The following ZMYM2 variants were observed in gnomAD, a reference collection of about 807,000 sequenced individuals.
ZMYM2 encodes zinc finger MYM-type protein 2.
Under a neutral mutation model 162.8 loss-of-function variants are expected in ZMYM2, and 56 were observed. The ratio of observed to expected loss-of-function variants is 0.34; its 90% CI spans 0.28 to 0.43. The LOEUF is 0.43. ZMYM2 is among the 20% of genes least tolerant of loss of function. The pLI is 1.00. For synonymous variants in ZMYM2, 510 were observed against 541.6 expected, an observed-to-expected ratio of 0.94 and a Z score of 0.81; for missense variants, 1,275 against 1,621.8, an observed-to-expected ratio of 0.79 and a Z score of 3.67.
At position 20,047,349 on chromosome 13, in the gene ZMYM2, C is replaced by T. The variant is rs1029924388; in HGVS notation, c.2293-4084C>T. The stretch of plus-strand genomic sequence containing the variant: ...AAATGTGGTAAACTAATTATGGGGT[C>T]CCCCCCTTTTATGGTTTATCTTTTT... On this transcript the variant is annotated intron_variant, in intron 12 of 24. Coordinates refer to ENST00000610343, the MANE Select transcript of ZMYM2 (RefSeq NM_197968.4). 2.6e-5 allele frequency among the ~76,000 whole-genome samples: 4 copies of T among 152,032 alleles called. No individual in the cohort carries two copies. In the East Asian group the frequency reaches 5.8e-4, roughly 22 times the overall value.
chr13:20,008,491 C>T (rs1950919780), intron 6 of ZMYM2, among the ~76,000 whole-genome samples: 1 of 152,184 alleles, frequency 6.6e-6, no homozygotes. Flanking sequence ...AGGTATGTGT[C>T]TATGGGAAAC....
At chr13:19,986,435 C>T (rs952860685) in intron 2 of ZMYM2, among the ~76,000 whole-genome samples, 1 of 151,744 alleles carries the variant, frequency 6.6e-6, no homozygotes, top group South Asian at 2.1e-4. Flanking sequence ...ACTTCATATC[C>T]TAAGACATTT....
At chr13:19,994,077 T>C (rs137857112) in intron 3 of ZMYM2, among the ~76,000 whole-genome samples, 158 bp downstream of exon 3, 2 of 152,380 alleles carry the variant, frequency 1.3e-5, no homozygotes, top group Admixed American at 6.5e-5. Context: ...TTAATAAGAA[T>C]TGTAAAACCA....
the ZMYM2 span, among the ~76,000 whole-genome samples, chr13:19,934,274 C>T: frequency 1.3e-5 from 2 of 152,154 alleles, no homozygotes; most frequent in Non-Finnish European, 2.9e-5. Flanking sequence ...AATTCTCCTG[C>T]CTCAGCCTCC....
intron 7 of ZMYM2, among the ~76,000 whole-genome samples, chr13:20,022,583 A>G (rs534858300): frequency 2.0e-4 from 30 of 152,378 alleles, no homozygotes; most frequent in Middle Eastern, 3.4e-3. Flanking sequence ...CAAAGTTAGA[A>G]TAAGTCTGCT....
intron 24 of ZMYM2, among the ~76,000 whole-genome samples, chr13:20,084,529 C>G (rs1958122438): frequency 6.6e-6 from 1 of 152,074 alleles, no homozygotes; most frequent in Non-Finnish European, 1.5e-5. Flanking sequence ...AGGTGGCTGG[C>G]TGTAGTTTGC....
At chr13:20,053,362 T>C (rs1242298364) in intron 14 of ZMYM2, among the ~76,000 whole-genome samples, 1 of 152,218 alleles carries the variant, frequency 6.6e-6, no homozygotes, top group Non-Finnish European at 1.5e-5. Flanking sequence ...AAAAATTCTG[T>C]ATTTTTAAAA....
chr13:20,038,260 A>G (rs1953916307), intron 12 of ZMYM2, among the ~76,000 whole-genome samples: 1 of 152,136 alleles, frequency 6.6e-6, no homozygotes, highest in Non-Finnish European at 1.5e-5. Flanking sequence ...ATATGTGTGC[A>G]TGCTTTTTCT....
the ZMYM2 span, among the ~76,000 whole-genome samples, chr13:19,951,477 G>A: frequency 7.0e-6 from 1 of 141,858 alleles, no homozygotes; most frequent in African/African-American, 2.6e-5. Flanking sequence ...ATTAGTTGAA[G>A]TCAGGAGCTC....
chr13:19,963,478 T>G (rs958633082), intron 2 of ZMYM2, among the ~76,000 whole-genome samples: 1 of 152,238 alleles, frequency 6.6e-6, no homozygotes, highest in Non-Finnish European at 1.5e-5. Flanking sequence ...TGCAGCTTAT[T>G]TTCATATTTT....
intron 2 of ZMYM2, among the ~76,000 whole-genome samples, chr13:19,971,795 T>C (rs990862874): frequency 6.6e-6 from 1 of 151,990 alleles, no homozygotes; most frequent in East Asian, 1.9e-4. Flanking sequence ...ATTTCTATTA[T>C]TGAGTCACTA....
chr13:19,865,542 A>G, the ZMYM2 span, among the ~76,000 whole-genome samples: 1 of 152,228 alleles, frequency 6.6e-6, no homozygotes, highest in Non-Finnish European at 1.5e-5. Flanking sequence ...TGTAAATTAC[A>G]AGCACTGACT....
chr13:19,929,773 T>G, the ZMYM2 span, among the ~76,000 whole-genome samples: 6 of 152,216 alleles, frequency 3.9e-5, no homozygotes, highest in Non-Finnish European at 5.9e-5. Flanking sequence ...GGAGCATATT[T>G]ATTTCTCTCC....
chr13:19,913,810 C>A, the ZMYM2 span, among the ~76,000 whole-genome samples: 1 of 152,202 alleles, frequency 6.6e-6, no homozygotes, highest in Non-Finnish European at 1.5e-5. Context: ...ATGAAGCATT[C>A]GCCTGAATGC....
chr13:20,009,736 A>C (rs1482934704), intron 6 of ZMYM2, among the ~76,000 whole-genome samples: 6 of 152,220 alleles, frequency 3.9e-5, no homozygotes, highest in African/African-American at 1.4e-4. Flanking sequence ...TATAGCCACG[A>C]TCAGAACATC....
chr13:19,878,574 T>G, the ZMYM2 span, among the ~76,000 whole-genome samples: 2 of 136,240 alleles, frequency 1.5e-5, no homozygotes, highest in African/African-American at 5.6e-5. Context: ...CAGGCTGGAG[T>G]ACAGTGGCAC....
chr13:19,930,357 C>G, the ZMYM2 span, among the ~76,000 whole-genome samples: 1 of 151,966 alleles, frequency 6.6e-6, no homozygotes, highest in Non-Finnish European at 1.5e-5. Context: ...GCTGAGATCA[C>G]GCCACTGCAC....
At chr13:20,011,093 TTCTC>T (rs1410212937) in intron 6 of ZMYM2, among the ~76,000 whole-genome samples, 1 of 152,224 alleles carries the variant, frequency 6.6e-6, no homozygotes, top group Non-Finnish European at 1.5e-5. Context: ...ACATTCGAAA[TTCTC>T]TCTTTTAGCC....
the ZMYM2 span, among the ~76,000 whole-genome samples, chr13:19,890,525 T>TG: frequency 4.8e-5 from 2 of 41,262 alleles, no homozygotes; most frequent in Admixed American, 2.4e-4. Context: ...AAAAAAAAGT[T>TG]GGGAAAAAAC....
Sources: gnomAD v4.1 joint callset for allele counts (sites outside exome capture counted in the v4.1 genomes callset) on GRCh38, gnomAD v4.1.1 for gene constraint, MANE v1.5 for transcripts, NCBI Gene and HGNC (gene_info 2026-07-23, HGNC 2026-07-21) for gene names.